The following ZNF106 variants were observed in gnomAD, a reference collection of about 807,000 sequenced individuals.
The protein encoded by ZNF106 is SH3-domain binding protein 3.
Under a neutral mutation model 195.1 loss-of-function variants are expected in ZNF106, and 67 were observed. That is an observed-to-expected ratio of 0.34 (90% CI 0.28 to 0.42). The LOEUF is 0.42. ZNF106 is among the 10% of genes least tolerant of loss of function. The pLI, the probability that ZNF106 is intolerant of heterozygous loss-of-function variation, is 1.00. For synonymous variants in ZNF106, 784 were observed against 818.6 expected (o/e 0.96, Z 0.72); for missense variants, 2,118 against 2,304.5 (o/e 0.92, Z 1.66).
chr15:42,427,887 G>A, intron 15 of ZNF106, 131 bp downstream of exon 15: 2 of 678,146 alleles, frequency 2.9e-6, no homozygotes, highest in Non-Finnish European at 2.6e-6. Context: ...AACTGTGTTT[G>A]AGTAGTGGCT....
In ZNF106 at chr15:42,424,052, A is replaced by G; in HGVS notation, c.5199T>C (p.Asn1733=). 6.2e-7 allele frequency: 1 copy of G among 1,612,690 alleles called. No homozygotes were observed. Among genetic ancestry groups the G allele is most frequent in the Non-Finnish European group, 8.5e-7 (1 of 1,179,614 alleles). Residue 1733 remains asparagine, a synonymous_variant, in exon 17 of 22, where the codon AAT becomes AAC. Transcript: ENST00000564754. ...CACTGGAGCCACTGAACACGAGATC[A>G]TTCACCACCTTAAAGAAAAAATTAA... ...SKTILCMKVV[N]DLVFSGSSDQ...
At chr15:42,437,744 T>C (rs577520507) in intron 12 of ZNF106, among the ~76,000 whole-genome samples, 10 of 151,872 alleles carry the variant, frequency 6.6e-5, no homozygotes, top group Admixed American at 5.9e-4. Flanking sequence ...CCATCTCTAC[T>C]AAAAATACAA....
In ZNF106 at chr15:42,451,688, G is replaced by A. The variant is rs751064648; in HGVS notation, c.584C>T (p.Ser195Leu). ...GWHKGVAGGS[S>L]TWFHNHSNSG... Reference sequence around the variant, plus strand: ...ATTACTATGGTTGTGAAACCAAGTCGAGGAGCCTCCTGCAACACCCTTATG... The same window carrying A: ...ATTACTATGGTTGTGAAACCAAGTCAAGGAGCCTCCTGCAACACCCTTATG... The change falls in exon 5 of 22, where the codon TCG becomes TTG. Residue 195 changes from serine to leucine, a missense_variant. Ser to Leu is a moderately radical substitution (Grantham distance 145). Coordinates refer to ENST00000564754, the MANE Select transcript of ZNF106 (RefSeq NM_001366845.3). The A allele has an allele frequency of 1.1e-5, 18 of 1,614,058 alleles. No homozygotes were observed. The highest frequency in any genetic ancestry group is 1.1e-4 in the African/African-American group (8 of 74,910).
chr15:42,441,060 C>T (rs549527867), intron 10 of ZNF106, among the ~76,000 whole-genome samples: 18 of 117,202 alleles, frequency 1.5e-4, no homozygotes, highest in Admixed American at 1.2e-3. Flanking sequence ...CTAAGTCACG[C>T]GCAGTGGCTC....
chr15:42,448,014 T>A, intron 6 of ZNF106, 58 bp downstream of exon 6: 1 of 1,526,518 alleles, frequency 6.6e-7, no homozygotes, highest in East Asian at 2.3e-5. Context: ...CCTTTTTTCA[T>A]AAGCAACCAA....
chr15:42,444,737 CT>C (rs1857641423), intron 8 of ZNF106, 89 bp downstream of exon 8: 1 of 1,537,152 alleles, frequency 6.5e-7, no homozygotes, highest in South Asian at 1.3e-5. Context: ...CCTGCCATTG[CT>C]TTTGGGGTGA....
At chr15:42,419,903 T>C (rs1299520971) in intron 20 of ZNF106, among the ~76,000 whole-genome samples, 2 of 152,002 alleles carry the variant, frequency 1.3e-5, no homozygotes, top group African/African-American at 2.4e-5. Flanking sequence ...TGAGCCGAGA[T>C]TGCACCACTG....
At chr15:42,475,312 C>G (rs974283497) in intron 1 of ZNF106, among the ~76,000 whole-genome samples, 1 of 152,060 alleles carries the variant, frequency 6.6e-6, no homozygotes, top group Non-Finnish European at 1.5e-5. Context: ...TATGGTGGCA[C>G]GTGCCTGTAA....
At chr15:42,439,008 G>C (rs375455698) in intron 11 of ZNF106, 25 bp downstream of exon 11, 42 of 1,576,914 alleles carry the variant, frequency 2.7e-5, no homozygotes, top group Non-Finnish European at 3.3e-5. Flanking sequence ...AAGTTGTTCT[G>C]ACTGGACCAA....
chr15:42,468,129 G>T (rs1416171086), intron 2 of ZNF106, among the ~76,000 whole-genome samples: 1 of 144,388 alleles, frequency 6.9e-6, no homozygotes, highest in Non-Finnish European at 1.5e-5. Context: ...AGCCTGGAGA[G>T]CAGCGGCTCG....
chr15:42,451,030 C>A lies in ZNF106; in HGVS notation c.1242G>T (p.Glu414Asp), dbSNP rs1042360987. 1.2e-6 allele frequency: 2 copies of A among 1,614,040 alleles called. No homozygotes were observed. Among genetic ancestry groups the A allele is most frequent in the Non-Finnish European group, 1.7e-6 (2 of 1,180,028 alleles). Residue 414 changes from glutamate (E) to aspartate (D), a missense_variant, in exon 5 of 22, where the codon GAG becomes GAT. Physicochemically the swap from Glu to Asp is conservative, Grantham distance 45. Transcript: ENST00000564754. ...AATTACGTGTTTCATCAGTTTGGGG[C>A]TCCTGTATTCCTGTAGTTATCAAGC... ...DFSLITTGIQ[E>D]PQTDETRNSP...
chr15:42,446,291 C>T (rs1418940275), intron 7 of ZNF106, among the ~76,000 whole-genome samples: 1 of 152,170 alleles, frequency 6.6e-6, no homozygotes. Flanking sequence ...GCTACAAGAA[C>T]CTCTTGGGGC....
At chr15:42,468,190 C>T (rs986541602) in intron 2 of ZNF106, among the ~76,000 whole-genome samples, 1 of 150,184 alleles carries the variant, frequency 6.7e-6, no homozygotes, top group East Asian at 2.0e-4. Context: ...GTTTCTCCTG[C>T]CTCAGCCTCC....
At chr15:42,452,034 C>T in intron 4 of ZNF106, 80 bp from the exon 5 acceptor site, 3 of 1,458,854 alleles carry the variant, frequency 2.1e-6, no homozygotes, top group Non-Finnish European at 2.7e-6. Flanking sequence ...CCAAACTTCC[C>T]TTGTACTTTC....
chr15:42,457,221 T>A, intron 3 of ZNF106, 63 bp from the exon 4 acceptor site: 2 of 1,611,886 alleles, frequency 1.2e-6, no homozygotes, highest in Non-Finnish European at 8.5e-7. Context: ...ACTCACCAGA[T>A]CTGTTATTGT....
rs552122275 is a variant in ZNF106 at position 42,417,100 on chromosome 15, A to C, written c.*204T>G. ...AGTATGGTTCCTTAACATTTGTCTA[A>C]ATCTATTTAAAACCTCCAGCAAGAA... is the stretch of plus-strand genomic sequence containing the variant. On this transcript the variant is annotated 3_prime_UTR_variant, in exon 22 of 22. Coordinates refer to ENST00000564754, the MANE Select transcript of ZNF106 (RefSeq NM_001366845.3). 1.8e-6 allele frequency: 1 copy of C among 564,570 alleles called. No homozygotes were observed. Among genetic ancestry groups the C allele is most frequent in the Non-Finnish European group, 3.1e-6 (1 of 318,450 alleles). 35.0% of individuals were successfully genotyped at this position (564,570 alleles called of 1,614,324 possible).
chr15:42,445,018 G>C, intron 7 of ZNF106, 37 bp from the exon 8 acceptor site: 2 of 1,610,886 alleles, frequency 1.2e-6, no homozygotes, highest in Non-Finnish European at 1.7e-6. Context: ...GTTAATACGA[G>C]AGATTTCCCT....
chr15:42,448,122 C>A lies in ZNF106; in HGVS notation c.3085G>T (p.Ala1029Ser). The change falls in exon 6 of 22, where the codon GCT becomes TCT. Residue 1029 changes from alanine to serine, a missense_variant. By Grantham distance (99) the Ala-to-Ser change is moderately conservative (BLOSUM62 1). Transcript: ENST00000564754. ...AATDSSCTSG[A>S]EQNDGQSIRK... ...ATACTTTGGCCATCATTTTGTTCAG[C>A]ACCAGAGGTACAGCTACTATCTGTG... is the stretch of plus-strand genomic sequence containing the variant. 2 of 1,614,178 alleles carry A rather than the reference C, an allele frequency of 1.2e-6. No homozygotes were observed. Among genetic ancestry groups the A allele is most frequent in the Non-Finnish European group, 1.7e-6 (2 of 1,180,018 alleles).
At chr15:42,472,184 T>G (rs186366017) in intron 2 of ZNF106, 52 bp downstream of exon 2, 1 of 1,475,404 alleles carries the variant, frequency 6.8e-7, no homozygotes, top group African/African-American at 1.4e-5. Flanking sequence ...TAATAACATG[T>G]CTCTTTAAAA....
Sources: allele counts gnomAD v4.1 joint callset (sites outside exome capture counted in the v4.1 genomes callset), GRCh38; gene constraint gnomAD v4.1.1; transcripts MANE v1.5; gene names NCBI Gene and HGNC (gene_info 2026-07-23, HGNC 2026-07-21).